GLI3: variants seen among roughly 807,000 people sequenced by gnomAD.
GLI3 encodes transcription activator GLI3.
GLI3 carries 20 observed loss-of-function variants against 100.8 expected under a neutral mutation model. That is an observed-to-expected ratio of 0.20 (90% confidence interval 0.14 to 0.29). GLI3 has a LOEUF of 0.29. Among genes scored for constraint, GLI3 ranks in the 10% least tolerant of loss-of-function variants. GLI3 has a pLI of 1.00. For missense variants in GLI3, 2,040 were observed against 2,128.5 expected, an observed-to-expected ratio of 0.96 and a Z score of 0.82; for synonymous variants, 938 against 860.5, an observed-to-expected ratio of 1.09 and a Z score of -1.58.
At chr7:42,189,052 G>T (rs1157568276) in intron 2 of GLI3, among the ~76,000 whole-genome samples, 2 of 152,138 alleles carry the variant, frequency 1.3e-5, no homozygotes, top group African/African-American at 4.8e-5. Flanking sequence ...GTACCTCTCT[G>T]GTGGAGGATG....
At chr7:42,105,988 T>A (rs148528665) in intron 3 of GLI3, among the ~76,000 whole-genome samples, 154 of 152,314 alleles carry the variant, frequency 1.0e-3, no homozygotes, top group African/African-American at 3.6e-3. Context: ...GAACCTTCCT[T>A]TTAGCCCCTA....
chr7:41,979,679 C>CCA (rs1465224223), intron 10 of GLI3, among the ~76,000 whole-genome samples: 1 of 152,190 alleles, frequency 6.6e-6, no homozygotes, highest in African/African-American at 2.4e-5. Flanking sequence ...CTACTGAAGA[C>CCA]ATTTGCATCC....
At chr7:42,189,911 C>T (rs1381274261) in intron 2 of GLI3, among the ~76,000 whole-genome samples, 1 of 151,318 alleles carries the variant, frequency 6.6e-6, no homozygotes, top group African/African-American at 2.4e-5. Flanking sequence ...AAGATAGATT[C>T]GGATATATCC....
chr7:42,223,331 T>G, intron 1 of GLI3, 36 bp from the exon 2 acceptor site: 9 of 1,163,498 alleles, frequency 7.7e-6, no homozygotes, highest in East Asian at 2.7e-5. Flanking sequence ...CTTTCCAAAA[T>G]GGTGGAAAAA....
intron 3 of GLI3, among the ~76,000 whole-genome samples, chr7:42,133,879 C>T (rs986998118): frequency 6.6e-6 from 1 of 151,856 alleles, no homozygotes; most frequent in Non-Finnish European, 1.5e-5. Context: ...GTCAGGAGTT[C>T]GAGACTAGCC....
At chr7:42,257,372 T>C (rs906154406) in intron 1 of GLI3, among the ~76,000 whole-genome samples, 82 of 142,702 alleles carry the variant, frequency 5.7e-4, no homozygotes, top group African/African-American at 2.3e-3. Context: ...TTTTTTTTTT[T>C]TGAGACGGAG....
intron 1 of GLI3, among the ~76,000 whole-genome samples, chr7:42,250,731 C>T (rs1206796639): frequency 6.6e-6 from 1 of 152,178 alleles, no homozygotes; most frequent in Non-Finnish European, 1.5e-5. Context: ...GCCAAAAGGG[C>T]AGCTGGGTGG....
At chr7:42,247,546 A>G (rs909239821) in intron 1 of GLI3, among the ~76,000 whole-genome samples, 8 of 152,136 alleles carry the variant, frequency 5.3e-5, no homozygotes, top group African/African-American at 1.9e-4. Flanking sequence ...TATTCCATTC[A>G]TTTTCCGGTC....
chr7:42,107,860 T>C (rs1159387251), intron 3 of GLI3, among the ~76,000 whole-genome samples: 1 of 152,224 alleles, frequency 6.6e-6, no homozygotes, highest in Non-Finnish European at 1.5e-5. Flanking sequence ...TTACTGTTGT[T>C]GTTGTTTTAA....
intron 2 of GLI3, among the ~76,000 whole-genome samples, chr7:42,162,201 G>A (rs1228104176): frequency 1.3e-5 from 2 of 152,154 alleles, no homozygotes; most frequent in African/African-American, 4.8e-5. Context: ...TGACTGTGGG[G>A]GGATAGACCA....
chr7:41,987,016 A>G (rs1787844057), intron 10 of GLI3, among the ~76,000 whole-genome samples: 1 of 148,872 alleles, frequency 6.7e-6, no homozygotes, highest in African/African-American at 2.4e-5. Context: ...TGACTGGGGT[A>G]GGGCCCGACA....
At chr7:42,114,824 C>G (rs954978722) in intron 3 of GLI3, among the ~76,000 whole-genome samples, 1 of 152,026 alleles carries the variant, frequency 6.6e-6, no homozygotes, top group East Asian at 2.0e-4. Context: ...GCCTCAGCCT[C>G]CTGAGTAGTT....
chr7:42,113,192 C>A (rs558030542), intron 3 of GLI3, among the ~76,000 whole-genome samples: 1 of 151,972 alleles, frequency 6.6e-6, no homozygotes, highest in Admixed American at 6.6e-5. Context: ...TAAATAAAGC[C>A]CAAGGAATGC....
intron 10 of GLI3, among the ~76,000 whole-genome samples, chr7:41,995,785 G>C (rs1480882595): frequency 6.6e-6 from 1 of 152,138 alleles, no homozygotes; most frequent in African/African-American, 2.4e-5. Flanking sequence ...GGGAGGGAGG[G>C]AGAAAACCGA....
rs117752067 is a variant in GLI3 at position 42,211,168 on chromosome 7, C to T, written c.124+11962G>A. 6.8e-3 allele frequency among the ~76,000 whole-genome samples: 1,025 copies of T among 151,750 alleles called. 8 individuals carry two copies. The highest frequency in any genetic ancestry group is 0.031 in the South Asian group (149 of 4,792). ...TATGTGAAAAAGTTTCCCATTAAGACGGTAGCTATTTTTTTCAAGCATGAT... is the reference window on the plus strand; with the variant it reads ...TATGTGAAAAAGTTTCCCATTAAGATGGTAGCTATTTTTTTCAAGCATGAT... On this transcript the variant is annotated intron_variant, in intron 2 of 14. Transcript: ENST00000395925.
At chr7:42,199,432 G>A (rs1036426525) in intron 2 of GLI3, among the ~76,000 whole-genome samples, 55 of 152,102 alleles carry the variant, frequency 3.6e-4, no homozygotes, top group African/African-American at 9.7e-5. Context: ...ACCAGAGTAC[G>A]GGCACACAAG....
intron 2 of GLI3, among the ~76,000 whole-genome samples, chr7:42,206,856 A>G (rs1788166161): frequency 6.6e-6 from 1 of 152,182 alleles, no homozygotes; most frequent in Non-Finnish European, 1.5e-5. Flanking sequence ...GTAAACAATT[A>G]TCTACCCACA....
chr7:41,968,791 A>AGAAAGAAAGAAAGAAAGAAAGAAAG (rs1215213721), intron 13 of GLI3, among the ~76,000 whole-genome samples: 3 of 151,098 alleles, frequency 2.0e-5, no homozygotes, highest in African/African-American at 7.3e-5. Flanking sequence ...AAAGAAAGAA[A>AGAAAGAAAGAAAGAAAGAAAGAAAG]GAAAGAAAGA....
chr7:41,983,428 A>G (rs1393106642), intron 10 of GLI3, among the ~76,000 whole-genome samples: 1 of 152,234 alleles, frequency 6.6e-6, no homozygotes, highest in East Asian at 1.9e-4. Flanking sequence ...TCCAAGGTAG[A>G]TAAGAAAAGT....
Sources: gnomAD v4.1 joint callset for allele counts (sites outside exome capture counted in the v4.1 genomes callset) on GRCh38, gnomAD v4.1.1 for gene constraint, MANE v1.5 for transcripts, NCBI Gene and HGNC (gene_info 2026-07-23, HGNC 2026-07-21) for gene names.